The following MFSD12 variants were observed in gnomAD, a reference collection of about 807,000 sequenced individuals.
MFSD12 encodes the protein major facilitator superfamily domain containing 12.
A neutral mutation model predicts 51.2 loss-of-function variants in MFSD12; 67 were observed. The observed-to-expected ratio is 1.31, with a 90% CI of 1.08 to 1.60. MFSD12 has a LOEUF of 1.60. Among genes scored for constraint, MFSD12 ranks in the 40% most tolerant of loss-of-function variants. The pLI, the probability that MFSD12 is intolerant of heterozygous loss-of-function variation, is 0.00. For missense variants in MFSD12, 921 were observed against 673.0 expected, an observed-to-expected ratio of 1.37 and a Z score of -4.08; for synonymous variants, 441 against 316.7, an observed-to-expected ratio of 1.39 and a Z score of -4.17.
intron 2 of MFSD12, among the ~76,000 whole-genome samples, 200 bp downstream of exon 2, chr19:3,550,784 T>C (rs539930428): frequency 3.6e-4 from 54 of 151,496 alleles, no homozygotes; most frequent in African/African-American, 1.0e-3. Context: ...GCCCAGGAGG[T>C]TGAGGCTGCA....
intron 2 of MFSD12, among the ~76,000 whole-genome samples, chr19:3,548,738 GAACCATGCCACCTC>G (rs1407350400): frequency 6.6e-6 from 1 of 152,196 alleles, no homozygotes; most frequent in Non-Finnish European, 1.5e-5. Flanking sequence ...CTGAAAGCGG[GAACCATGCCACCTC>G]CAGAGGCCAC....
intron 9 of MFSD12, 32 bp from the exon 10 acceptor site, chr19:3,544,764 A>T (rs1470571666): frequency 2.3e-6 from 2 of 868,300 alleles, no homozygotes; most frequent in Non-Finnish European, 1.7e-6. Flanking sequence ...GGCATTAGAG[A>T]GTGTGGGTCA....
intron 6 of MFSD12, among the ~76,000 whole-genome samples, chr19:3,546,928 G>A (rs919992233): frequency 6.6e-6 from 1 of 152,054 alleles, no homozygotes; most frequent in Non-Finnish European, 1.5e-5. Context: ...CCGCCTCCCG[G>A]GTTCACGCCA....
In MFSD12 at chr19:3,557,260, G is replaced by C. The variant is rs200897328; in HGVS notation, c.144C>G (p.His48Gln). 5 of 1,598,440 alleles carry C rather than the reference G, an allele frequency of 3.1e-6. No homozygotes were observed. Among genetic ancestry groups the C allele is most frequent in the Non-Finnish European group, 4.3e-6 (5 of 1,173,922 alleles). The change falls in exon 1 of 10, where the codon CAC (histidine) becomes CAG (glutamine). Residue 48 changes from histidine (H) to glutamine (Q), a missense_variant. By Grantham distance (24) the His-to-Gln change is conservative. Transcript: ENST00000355415. ...CGCGGGAGCTGTAGGCGCGCACCGA[G>C]TGCAGGTAGAGCAGCAGGTAGGTGA... ...MWFTYLLLYL[H>Q]SVRAYSSRGA...
At position 3,544,662 on chromosome 19, in the gene MFSD12, C is replaced by T. The variant is rs372859245; in HGVS notation, c.*48G>A. 36 of 1,552,840 alleles carry T rather than the reference C, an allele frequency of 2.3e-5. No homozygotes were observed. The Middle Eastern group carries it at 5.5e-4, about 24-fold the overall frequency. On this transcript the variant is annotated 3_prime_UTR_variant, in exon 10 of 10. Coordinates refer to ENST00000355415, the MANE Select transcript of MFSD12 (RefSeq NM_174983.5). ...TCCCCAAGGCCCTGGGGGGCATCCT[C>T]GTGCGTCCCCACAGTTCCCTTGCAC...
chr19:3,547,920 G>A lies in MFSD12; in HGVS notation c.765C>T (p.Pro255=), dbSNP rs369923260. ...GCTGGGCCGTGGCAGGGGCCAACAGGGGGGTGTGCTCGCCTGGCTCCTCCG... is the reference window on the plus strand; with the variant it reads ...GCTGGGCCGTGGCAGGGGCCAACAGAGGGGTGTGCTCGCCTGGCTCCTCCG... ...PHAEEPGEHT[P]LLAPATAQPL... The change falls in exon 4 of 10, where the codon CCC becomes CCT. Residue 255 remains proline, a synonymous_variant. Transcript: ENST00000355415. The A allele has an allele frequency of 6.3e-7, 1 of 1,582,702 alleles. No individual in the cohort carries two copies. The highest frequency in any genetic ancestry group is 1.4e-5 in the African/African-American group (1 of 73,472).
chr19:3,539,394 TC>T, downstream of MFSD12: 1 of 621,312 alleles, frequency 1.6e-6, no homozygotes, highest in South Asian at 1.9e-5. Flanking sequence ...GTGTGTGACG[TC>T]CCCTCCAGCT....
At position 3,546,244 on chromosome 19, in the gene MFSD12, A is replaced by T; in HGVS notation, c.1194+11T>A. ...CGGCCTCCCCCACCCCAGCCTGGCT[A>T]CCAGCCCTACCGTGTGGGGACCGAT... On this transcript the variant is annotated intron_variant, in intron 7 of 9. Coordinates refer to ENST00000355415, the MANE Select transcript of MFSD12 (RefSeq NM_174983.5). 1 of 1,607,358 alleles carries T rather than the reference A, an allele frequency of 6.2e-7. No homozygotes were observed.
Position 3,538,742 on chromosome 19 carries a change from C to T in MFSD12, c.*20G>A, listed in dbSNP as rs117002171. 1,716 of 485,416 alleles carry T rather than the reference C, an allele frequency of 3.5e-3. 13 individuals are homozygous for T. Among genetic ancestry groups the T allele is most frequent in the Non-Finnish European group, 4.4e-3 (1,042 of 234,828 alleles). 30.1% of individuals were successfully genotyped at this position (485,416 alleles called of 1,614,324 possible). Reference sequence around the variant, plus strand: ...CAAATCGTGCTGCTGTGAGCCACTGCGTGCAGGTCTCATCCTGGGTGTATT... The same window carrying T: ...CAAATCGTGCTGCTGTGAGCCACTGTGTGCAGGTCTCATCCTGGGTGTATT... On this transcript the variant is annotated 3_prime_UTR_variant, in exon 5 of 5. Transcript: ENST00000398558.
intron 2 of MFSD12, among the ~76,000 whole-genome samples, chr19:3,549,418 G>A (rs916030828): frequency 2.0e-5 from 3 of 152,054 alleles, no homozygotes; most frequent in African/African-American, 4.8e-5. Flanking sequence ...TGGTCAGCTC[G>A]GGTGTGTCCA....
At chr19:3,542,251 A>G (rs2030481314), downstream of MFSD12, 1 of 985,312 alleles carries the variant, frequency 1.0e-6, no homozygotes, top group Non-Finnish European at 1.2e-6. Flanking sequence ...CAGGCTCTGT[A>G]ACTGACCAGG....
At chr19:3,542,220 G>T, downstream of MFSD12, 1 of 985,444 alleles carries the variant, frequency 1.0e-6, no homozygotes, top group Non-Finnish European at 1.2e-6. Context: ...GAAAAGCCGA[G>T]TCTATGTGGG....
In MFSD12 at chr19:3,546,098, G is replaced by A. The variant is rs2031008088; in HGVS notation, c.1265C>T (p.Ala422Val). Residue 422 changes from alanine to valine, a missense_variant, in exon 8 of 10, where the codon GCC (alanine) becomes GTC (valine). Physicochemically the swap from Ala to Val is moderately conservative, Grantham distance 64. Coordinates refer to ENST00000355415, the MANE Select transcript of MFSD12 (RefSeq NM_174983.5). ...DKVANGLAVM[A>V]IQSLHPCPSE... ...CGGGCAAGGGTGCAGGCTCTGGATG[G>A]CCATGACTGCCAGCCCATTGGCCAC... The A allele has an allele frequency of 6.2e-7, 1 of 1,613,236 alleles. No individual in the cohort carries two copies. The highest frequency in any genetic ancestry group is 8.5e-7 in the Non-Finnish European group (1 of 1,179,994).
At chr19:3,552,293 G>A (rs1235272440) in intron 1 of MFSD12, among the ~76,000 whole-genome samples, 4 of 150,594 alleles carry the variant, frequency 2.7e-5, no homozygotes, top group African/African-American at 7.3e-5. Flanking sequence ...TCAGCCTCCC[G>A]AGTAGCTGGG....
chr19:3,547,665 G>T, intron 4 of MFSD12, 118 bp from the exon 5 acceptor site: 1 of 1,179,594 alleles, frequency 8.5e-7, no homozygotes, highest in Non-Finnish European at 1.2e-6. Context: ...TCCATTGGTA[G>T]TGACTGCCCA....
Position 3,544,261 on chromosome 19 carries a change from C to T in MFSD12, c.*449G>A. ...CAAGCCTGCCGGGCAGCCCTGCTGCCCACCACGGTGGGGTCCAGGCCCAGC... is the reference window on the plus strand; with the variant it reads ...CAAGCCTGCCGGGCAGCCCTGCTGCTCACCACGGTGGGGTCCAGGCCCAGC... On this transcript the variant is annotated 3_prime_UTR_variant, in exon 10 of 10. Coordinates refer to ENST00000355415, the MANE Select transcript of MFSD12 (RefSeq NM_174983.5). The T allele has an allele frequency of 7.6e-7, 1 of 1,315,000 alleles. No homozygotes were observed. Among genetic ancestry groups the T allele is most frequent in the South Asian group, 2.3e-5 (1 of 44,402 alleles). The allele number at this position is 1,315,000 out of a possible 1,614,324, so 81.5% of individuals were successfully genotyped here. A position where few individuals can be genotyped will look rare whatever the true frequency, so the allele number is the denominator to read the frequency against.
intron 4 of MFSD12, 72 bp from the exon 5 acceptor site, chr19:3,547,619 C>G: frequency 7.1e-7 from 1 of 1,417,762 alleles, no homozygotes; most frequent in South Asian, 1.2e-5. Flanking sequence ...CAGGGGGCAC[C>G]GGGGCCAGGG....
At chr19:3,548,077 C>A in intron 3 of MFSD12, 46 bp downstream of exon 3, 3 of 1,601,822 alleles carry the variant, frequency 1.9e-6, no homozygotes, top group Non-Finnish European at 2.5e-6. Context: ...CCAGCCCCCG[C>A]CCCTGGCTCG....
chr19:3,544,988 C>CG lies in MFSD12; in HGVS notation c.1290-50dup, dbSNP rs761689532. 5.3e-5 allele frequency: 82 copies of CG among 1,546,460 alleles called. No homozygotes were observed. In the African/African-American group the frequency reaches 1.0e-3, roughly 20 times the overall value. Reference sequence around the variant, plus strand: ...GTAGGCACCGCGGGTACCACCCCCCCGCCACCCAAGCTGAACCTGTGCCTC... The same window carrying CG: ...GTAGGCACCGCGGGTACCACCCCCCCGGCCACCCAAGCTGAACCTGTGCCTC... On this transcript the variant is annotated intron_variant, in intron 8 of 9. Coordinates refer to ENST00000355415, the MANE Select transcript of MFSD12 (RefSeq NM_174983.5).
Sources: allele counts gnomAD v4.1 joint callset (sites outside exome capture counted in the v4.1 genomes callset), GRCh38; gene constraint gnomAD v4.1.1; transcripts MANE v1.5; gene names NCBI Gene and HGNC (gene_info 2026-07-23, HGNC 2026-07-21).